The following AEBP2 variants were observed in gnomAD, a reference collection of about 807,000 sequenced individuals.
AEBP2 encodes AE binding protein 2.
AEBP2 carries 10 observed loss-of-function variants against 50.8 expected under a neutral mutation model. The ratio of observed to expected loss-of-function variants is 0.20; its 90% CI spans 0.12 to 0.33. AEBP2 has a LOEUF of 0.33. Among genes scored for constraint, AEBP2 ranks in the 10% least tolerant of loss-of-function variants. The pLI, the probability that AEBP2 is intolerant of heterozygous loss-of-function variation, is 1.00. For synonymous variants in AEBP2, 296 were observed against 261.3 expected, an observed-to-expected ratio of 1.13 and a Z score of -1.28; for missense variants, 570 against 688.0, an observed-to-expected ratio of 0.83 and a Z score of 1.92.
intron 1 of AEBP2, among the ~76,000 whole-genome samples, chr12:19,410,271 C>T (rs904210465): frequency 2.0e-5 from 3 of 152,192 alleles, no homozygotes; most frequent in Admixed American, 2.0e-4. Context: ...CCAGCACGTG[C>T]TCCCACTCTT....
intron 2 of AEBP2, among the ~76,000 whole-genome samples, chr12:19,470,703 T>C (rs1443108009): frequency 2.0e-5 from 3 of 152,218 alleles, no homozygotes; most frequent in Non-Finnish European, 4.4e-5. Flanking sequence ...TGTTTGCTCA[T>C]AGGAAAAAAA....
intron 1 of AEBP2, among the ~76,000 whole-genome samples, chr12:19,444,763 A>G (rs1018290623): frequency 4.6e-5 from 7 of 152,206 alleles, no homozygotes; most frequent in Admixed American, 4.6e-4. Context: ...GTAGAATGGT[A>G]TTTTGGAGGG....
chr12:19,467,653 A>C (rs372794727), intron 2 of AEBP2, among the ~76,000 whole-genome samples: 1 of 152,184 alleles, frequency 6.6e-6, no homozygotes, highest in Non-Finnish European at 1.5e-5. Flanking sequence ...TTATCTTACT[A>C]ATCGAATTTC....
chr12:19,454,864 G>A (rs1190095631), intron 1 of AEBP2, among the ~76,000 whole-genome samples: 1 of 152,098 alleles, frequency 6.6e-6, no homozygotes, highest in Non-Finnish European at 1.5e-5. Flanking sequence ...CTGCCGATAA[G>A]GCTTGCCCCT....
intron 3 of AEBP2, among the ~76,000 whole-genome samples, chr12:19,487,453 C>T (rs940846629): frequency 2.0e-5 from 3 of 152,132 alleles, no homozygotes; most frequent in African/African-American, 7.2e-5. Flanking sequence ...TGCAGTGGTT[C>T]ACACCTGTAA....
intron 1 of AEBP2, among the ~76,000 whole-genome samples, chr12:19,432,270 G>C (rs1329570868): frequency 2.6e-5 from 4 of 152,178 alleles, no homozygotes; most frequent in African/African-American, 7.2e-5. Flanking sequence ...AGAGCTCTGA[G>C]TAAAAACATA....
At chr12:19,486,221 G>A (rs1565726721) in intron 3 of AEBP2, among the ~76,000 whole-genome samples, 1 of 151,940 alleles carries the variant, frequency 6.6e-6, no homozygotes, top group Non-Finnish European at 1.5e-5. Context: ...TCTTAGTTGT[G>A]TGAACTCTTG....
rs1949347441 is a variant in AEBP2 at position 19,518,217 on chromosome 12, T to TC, written c.*101dup. 2 of 1,294,494 alleles carry TC rather than the reference T, an allele frequency of 1.5e-6. No individual in the cohort carries two copies. The highest frequency in any genetic ancestry group is 2.0e-6 in the Non-Finnish European group (2 of 1,021,590). 80.2% of individuals were successfully genotyped at this position (1,294,494 alleles called of 1,614,324 possible). ...AAGTTGCACATTAGAGTCAACCCCT[T>TC]CTTTTTTTTTTTTTTTTTTTTAAAT... On this transcript the variant is annotated 3_prime_UTR_variant, in exon 8 of 8. Transcript: ENST00000266508.
intron 4 of AEBP2, among the ~76,000 whole-genome samples, chr12:19,497,102 G>T: frequency 6.6e-6 from 1 of 150,574 alleles, no homozygotes; most frequent in Non-Finnish European, 1.5e-5. Context: ...TACTTGTATT[G>T]CTCTTCACTT....
In AEBP2 at chr12:19,493,817, C is replaced by T. The variant is rs763819119; in HGVS notation, c.1005C>T (p.Cys335=). The change falls in exon 4 of 8, where the codon TGC becomes TGT. Residue 335 remains cysteine (C), a synonymous_variant. Coordinates refer to ENST00000266508, the MANE Select transcript of AEBP2 (RefSeq NM_153207.5). The stretch of plus-strand genomic sequence containing the variant: ...TCTTTTAGTGTGTTGTTGGTGGCTG[C>T]AATGCCAGCTTTGCTTCTCAGGGAG... ...DKPFKCVVGG[C]NASFASQGGL... 6.2e-7 allele frequency: 1 copy of T among 1,613,686 alleles called. No homozygotes were observed. Among genetic ancestry groups the T allele is most frequent in the East Asian group, 2.2e-5 (1 of 44,880 alleles).
chr12:19,512,134 G>C (rs1949242034), intron 5 of AEBP2, among the ~76,000 whole-genome samples: 1 of 151,974 alleles, frequency 6.6e-6, no homozygotes, highest in South Asian at 2.1e-4. Context: ...TGATTCTCCT[G>C]CCTCAGCCTC....
chr12:19,502,966 C>T (rs1013565786), intron 5 of AEBP2, among the ~76,000 whole-genome samples: 2 of 152,030 alleles, frequency 1.3e-5, no homozygotes, highest in African/African-American at 4.8e-5. Context: ...TATTTTTGTA[C>T]CAATGCTGCA....
upstream of AEBP2, among the ~76,000 whole-genome samples, chr12:19,437,890 TCCCAAATGGGAAATGAGCATGGAGGCTC>T (rs1302683290): frequency 9.2e-5 from 14 of 152,198 alleles, no homozygotes; most frequent in Admixed American, 9.2e-4. Flanking sequence ...ATGACGACTT[TCCCAAATGGGAAATGAGCATGGAGGCTC>T]TGTTTTCAGG....
intron 1 of AEBP2, among the ~76,000 whole-genome samples, chr12:19,406,112 C>G (rs7953332): frequency 0.25 from 37,360 of 151,660 alleles, 5,506 homozygotes; most frequent in African/African-American, 0.43. Context: ...ATTACAGGAG[C>G]CTGCCACCAC....
chr12:19,480,730 A>G (rs990923652), intron 3 of AEBP2, among the ~76,000 whole-genome samples: 1 of 152,162 alleles, frequency 6.6e-6, no homozygotes, highest in Non-Finnish European at 1.5e-5. Flanking sequence ...TCTTTCCTGC[A>G]TCTTGACTTT....
intron 1 of AEBP2, among the ~76,000 whole-genome samples, chr12:19,424,642 C>T (rs927099606): frequency 1.3e-5 from 2 of 151,778 alleles, no homozygotes; most frequent in Non-Finnish European, 2.9e-5. Flanking sequence ...ATGATCCGCC[C>T]GCCTCAGCCT....
At chr12:19,423,763 C>T (rs913982257) in intron 1 of AEBP2, among the ~76,000 whole-genome samples, 15 of 152,272 alleles carry the variant, frequency 9.9e-5, no homozygotes, top group Admixed American at 7.8e-4. Flanking sequence ...ATTGCTTGAA[C>T]CCCCGAGACG....
intron 2 of AEBP2, among the ~76,000 whole-genome samples, chr12:19,470,414 C>G (rs1948553568): frequency 6.6e-6 from 1 of 152,160 alleles, no homozygotes; most frequent in Non-Finnish European, 1.5e-5. Context: ...ACCTCGGCCT[C>G]CTAAAGTGTT....
At chr12:19,456,837 C>A (rs1039284470) in intron 1 of AEBP2, 5 of 1,541,560 alleles carry the variant, frequency 3.2e-6, no homozygotes, top group Non-Finnish European at 4.5e-6. Flanking sequence ...AGTCTCCACT[C>A]GGCCAACAGG....
Sources: allele counts gnomAD v4.1 joint callset (sites outside exome capture counted in the v4.1 genomes callset), GRCh38; gene constraint gnomAD v4.1.1; transcripts MANE v1.5; gene names NCBI Gene and HGNC (gene_info 2026-07-23, HGNC 2026-07-21).